Variants in SPAG17 observed in about 807,000 individuals in gnomAD.
SPAG17 encodes the protein sperm associated antigen 17.
A neutral mutation model predicts 273.6 loss-of-function variants in SPAG17; 169 were observed. The observed-to-expected ratio is 0.62, with a 90% CI of 0.55 to 0.70. SPAG17 has a LOEUF of 0.70. SPAG17 is among the 30% of genes least tolerant of loss of function. The pLI, the probability that SPAG17 is intolerant of heterozygous loss-of-function variation, is 0.00. For missense variants in SPAG17, 2,557 were observed against 2,627.8 expected, an observed-to-expected ratio of 0.97 and a Z score of 0.59; for synonymous variants, 825 against 873.2, an observed-to-expected ratio of 0.94 and a Z score of 0.97.
In SPAG17 at chr1:117,958,867, T is replaced by C. The variant is rs767788121; in HGVS notation, c.*1-4818A>G. On this transcript the variant is annotated intron_variant, in intron 48 of 48. Transcript: ENST00000336338. ...TGTTTCTAGAAGGGTTAAGTAGGGCTAGAACCTCTCTGCAACATGGCTGTG... is the reference window on the plus strand; with the variant it reads ...TGTTTCTAGAAGGGTTAAGTAGGGCCAGAACCTCTCTGCAACATGGCTGTG... 3.9e-6 allele frequency: 6 copies of C among 1,552,556 alleles called. No individual in the cohort carries two copies. In the Admixed American group the frequency reaches 5.1e-5, roughly 13 times the overall value.
intron 3 of SPAG17, among the ~76,000 whole-genome samples, chr1:118,147,306 T>C (rs1659065067): frequency 6.6e-6 from 1 of 152,190 alleles, no homozygotes; most frequent in South Asian, 2.1e-4. Context: ...TACTATATAA[T>C]GCAGGCAATA....
intron 1 of SPAG17, 117 bp downstream of exon 1, chr1:118,184,954 A>G: frequency 1.2e-6 from 1 of 866,944 alleles, no homozygotes; most frequent in Non-Finnish European, 1.9e-6. Context: ...TCCTGGAACC[A>G]TCAGGCCACG....
intron 18 of SPAG17, among the ~76,000 whole-genome samples, chr1:118,061,638 C>T (rs1192170443): frequency 6.6e-6 from 1 of 152,098 alleles, no homozygotes; most frequent in Admixed American, 6.6e-5. Context: ...TTTTAAAAAA[C>T]CACAATGCAA....
intron 45 of SPAG17, 124 bp from the exon 46 acceptor site, chr1:117,970,240 C>T (rs183116220): frequency 3.6e-6 from 3 of 839,176 alleles, no homozygotes; most frequent in East Asian, 2.9e-5. Flanking sequence ...GGGGTCCATA[C>T]CATTAGAAAA....
intron 18 of SPAG17, among the ~76,000 whole-genome samples, chr1:118,066,028 C>A (rs1399150063): frequency 2.0e-5 from 3 of 152,000 alleles, no homozygotes. Context: ...AGTATATCTA[C>A]CAAATTCCTT....
At chr1:117,976,922 GTAT>G (rs1424252577) in intron 43 of SPAG17, among the ~76,000 whole-genome samples, 1 of 152,066 alleles carries the variant, frequency 6.6e-6, no homozygotes, top group Non-Finnish European at 1.5e-5. Flanking sequence ...ACATCATCTT[GTAT>G]TATTACCAAA....
chr1:118,108,866 A>G (rs1029118733), intron 4 of SPAG17, among the ~76,000 whole-genome samples: 5 of 152,164 alleles, frequency 3.3e-5, no homozygotes, highest in African/African-American at 1.2e-4. Context: ...CATTTCACAT[A>G]TTCAGTTGAA....
At chr1:118,017,859 A>C (rs115340240) in intron 28 of SPAG17, among the ~76,000 whole-genome samples, 2,552 of 152,278 alleles carry the variant, frequency 0.017, 34 homozygotes, top group African/African-American at 0.033. Context: ...TCAACAAAGC[A>C]AACTGGCCAA....
At chr1:118,173,057 A>G (rs546531420) in intron 1 of SPAG17, among the ~76,000 whole-genome samples, 5 of 151,438 alleles carry the variant, frequency 3.3e-5, no homozygotes, top group African/African-American at 1.2e-4. Context: ...GAATTTATTA[A>G]AAAAAAATCT....
intron 18 of SPAG17, among the ~76,000 whole-genome samples, chr1:118,058,678 G>A (rs1462903809): frequency 6.6e-6 from 1 of 152,154 alleles, no homozygotes; most frequent in Non-Finnish European, 1.5e-5. Flanking sequence ...CAGGAGAAAA[G>A]TAATCCTCTT....
chr1:117,961,856 G>A (rs1042550747), intron 48 of SPAG17: 1 of 152,496 alleles, frequency 6.6e-6, no homozygotes, highest in Non-Finnish European at 1.5e-5. Context: ...TTTCCAAGGA[G>A]TCAGTGTTGT....
chr1:118,048,226 C>G (rs1650587937), intron 20 of SPAG17, among the ~76,000 whole-genome samples: 1 of 151,996 alleles, frequency 6.6e-6, no homozygotes, highest in Non-Finnish European at 1.5e-5. Flanking sequence ...CAGACTCAGG[C>G]TCAAGGTCTG....
intron 32 of SPAG17, among the ~76,000 whole-genome samples, chr1:118,000,861 G>A (rs1226698182): frequency 6.6e-6 from 1 of 152,180 alleles, no homozygotes; most frequent in Non-Finnish European, 1.5e-5. Flanking sequence ...ACACTATGTT[G>A]AATAGGAGTG....
chr1:118,142,475 T>C (rs986463872), intron 3 of SPAG17, among the ~76,000 whole-genome samples: 4 of 152,194 alleles, frequency 2.6e-5, no homozygotes, highest in African/African-American at 9.6e-5. Context: ...TTATGTTACA[T>C]ATTTTTACCA....
At chr1:118,164,245 T>C (rs939751803) in intron 1 of SPAG17, among the ~76,000 whole-genome samples, 10 of 152,216 alleles carry the variant, frequency 6.6e-5, no homozygotes, top group African/African-American at 2.2e-4. Context: ...ATTTTTGACT[T>C]CTTGATGAAC....
intron 13 of SPAG17, among the ~76,000 whole-genome samples, chr1:118,082,884 G>C (rs1654698017): frequency 6.6e-6 from 1 of 152,186 alleles, no homozygotes; most frequent in South Asian, 2.1e-4. Context: ...TGAGGCAGGG[G>C]TGTGACTTAC....
chr1:118,151,723 C>G (rs1372771636), intron 1 of SPAG17, among the ~76,000 whole-genome samples: 2 of 152,132 alleles, frequency 1.3e-5, no homozygotes, highest in African/African-American at 4.8e-5. Context: ...TCTCAAAAAA[C>G]AGGAATCTTT....
intron 28 of SPAG17, among the ~76,000 whole-genome samples, chr1:118,022,219 C>T (rs1310673213): frequency 6.6e-6 from 1 of 152,068 alleles, no homozygotes; most frequent in Non-Finnish European, 1.5e-5. Flanking sequence ...TAACTTCTCT[C>T]CCTCAATTTT....
Position 118,066,859 on chromosome 1 carries a change from G to C in SPAG17, c.2426C>G (p.Ser809Cys). 3.1e-6 allele frequency: 5 copies of C among 1,613,656 alleles called. No homozygotes were observed. In the South Asian group the frequency reaches 4.4e-5, roughly 14 times the overall value. ...AGAGTTGTCTTGGGTGTGGTAGTAA[G>C]AATCAACACACCTATATTGCTTATG... ...EAHKQYRCVDSYYHTQDNSLL... is the reference protein window; with the variant it reads ...EAHKQYRCVDCYYHTQDNSLL... The change falls in exon 18 of 49, where the codon TCT becomes TGT. Residue 809 changes from serine (S) to cysteine (C), a missense_variant. Coordinates refer to ENST00000336338, the MANE Select transcript of SPAG17 (RefSeq NM_206996.4).
Sources: gnomAD v4.1 joint callset for allele counts (sites outside exome capture counted in the v4.1 genomes callset) on GRCh38, gnomAD v4.1.1 for gene constraint, MANE v1.5 for transcripts, NCBI Gene and HGNC (gene_info 2026-07-23, HGNC 2026-07-21) for gene names.